Variants in SAMD4B observed in about 807,000 individuals in gnomAD.
SAMD4B encodes the protein protein Smaug homolog 2.
A neutral mutation model predicts 74.5 loss-of-function variants in SAMD4B; 5 were observed. That is an observed-to-expected ratio of 0.07 (90% CI 0.04 to 0.14). The LOEUF (loss-of-function observed/expected upper bound fraction) is 0.14. Ranked by LOEUF, SAMD4B falls within the 10% of genes least tolerant of loss-of-function variation. The probability of loss-of-function intolerance (pLI) is 1.00; values close to 1 mark genes in which losing one functional copy is unlikely to be tolerated. For missense variants in SAMD4B, 608 were observed against 921.8 expected, an observed-to-expected ratio of 0.66 and a Z score of 4.41; for synonymous variants, 373 against 374.9, an observed-to-expected ratio of 1.00 and a Z score of 0.06.
At position 39,375,988 on chromosome 19, in the gene SAMD4B, G is replaced by A; in HGVS notation, c.907+99G>A. ...GTAGCTGACACCTGCTTACCCCTCTGAGGAGGGGACATGTCTGAGGGGAGT... is the reference window on the plus strand; with the variant it reads ...GTAGCTGACACCTGCTTACCCCTCTAAGGAGGGGACATGTCTGAGGGGAGT... On this transcript the variant is annotated intron_variant, in intron 5 of 13. Coordinates refer to ENST00000610417, the MANE Select transcript of SAMD4B (RefSeq NM_001384574.2). This position sits in a 1 kb window ranked among gnomAD's most constrained non-coding sequence, Gnocchi z 4.1. 6.8e-7 allele frequency: 1 copy of A among 1,463,050 alleles called. No homozygotes were observed. Among genetic ancestry groups the A allele is most frequent in the Non-Finnish European group, 9.2e-7 (1 of 1,084,758 alleles). The allele number at this position is 1,463,050 out of a possible 1,614,324, so 90.6% of individuals were successfully genotyped here.
intron 1 of SAMD4B, among the ~76,000 whole-genome samples, chr19:39,343,488 A>G (rs1467958103): frequency 1.4e-5 from 2 of 144,946 alleles, no homozygotes; most frequent in East Asian, 2.2e-4. Context: ...CCGTATTGCA[A>G]CCATCTCTCA....
intron 3 of SAMD4B, among the ~76,000 whole-genome samples, chr19:39,361,276 A>G (rs1299718343): frequency 1.3e-5 from 2 of 151,900 alleles, no homozygotes; most frequent in Non-Finnish European, 2.9e-5. Flanking sequence ...ATGCACACCT[A>G]CTCCACAAAC....
At chr19:39,386,605 A>C (rs968726853), downstream of SAMD4B, 8 of 1,611,520 alleles carry the variant, frequency 5.0e-6, no homozygotes, top group Non-Finnish European at 5.9e-6. The surrounding 1 kb of genome is among the most constrained non-coding windows in gnomAD (Gnocchi z 6.1). Context: ...GAGGGGAAGG[A>C]GGGTGTTCTG....
intron 11 of SAMD4B, 81 bp from the exon 12 acceptor site, chr19:39,380,909 A>G: frequency 6.5e-7 from 1 of 1,528,422 alleles, no homozygotes; most frequent in Admixed American, 2.0e-5. Flanking sequence ...GGAGTGGGAG[A>G]AGGCCTGTAC....
intron 2 of SAMD4B, among the ~76,000 whole-genome samples, chr19:39,355,061 C>A (rs1171789438): frequency 6.6e-6 from 1 of 151,976 alleles, no homozygotes; most frequent in Non-Finnish European, 1.5e-5. Flanking sequence ...TTAGTAGAGA[C>A]GGGATTTCGC....
chr19:39,367,816 G>A (rs573699367), intron 3 of SAMD4B, among the ~76,000 whole-genome samples: 6 of 151,438 alleles, frequency 4.0e-5, no homozygotes, highest in Admixed American at 3.9e-4. Flanking sequence ...GTGCTAATAA[G>A]GTCTTTGAGG....
At chr19:39,365,119 G>A (rs1408515517) in intron 3 of SAMD4B, among the ~76,000 whole-genome samples, 4 of 151,750 alleles carry the variant, frequency 2.6e-5, no homozygotes, top group South Asian at 2.1e-4. Flanking sequence ...GGTGGCGGGC[G>A]TGTGTAGTCC....
intron 3 of SAMD4B, among the ~76,000 whole-genome samples, chr19:39,361,651 C>G (rs894809464): frequency 6.7e-6 from 1 of 150,162 alleles, no homozygotes; most frequent in Non-Finnish European, 1.5e-5. Flanking sequence ...CGGCCGGGCG[C>G]GGTGGCTCAC....
chr19:39,386,779 C>G, downstream of SAMD4B: 1 of 1,613,910 alleles, frequency 6.2e-7, no homozygotes, highest in Non-Finnish European at 8.5e-7. This position sits in a 1 kb window ranked among gnomAD's most constrained non-coding sequence, Gnocchi z 6.1. Context: ...AGCCTTGGCC[C>G]GGCGCTTACT....
At chr19:39,388,876 G>A (rs2078310757), downstream of SAMD4B, 2 of 1,612,610 alleles carry the variant, frequency 1.2e-6, no homozygotes, top group African/African-American at 1.3e-5. Flanking sequence ...CTAGGGAGAT[G>A]GAGGCACTGG....
At chr19:39,370,238 T>C in intron 4 of SAMD4B, 113 bp downstream of exon 4, 1 of 1,044,226 alleles carries the variant, frequency 9.6e-7, no homozygotes, top group Non-Finnish European at 1.4e-6. Flanking sequence ...GCTGTAGGCC[T>C]CAACTTTATG....
intron 4 of SAMD4B, among the ~76,000 whole-genome samples, chr19:39,374,148 G>A (rs1006533167): frequency 2.6e-5 from 4 of 152,100 alleles, no homozygotes; most frequent in African/African-American, 9.6e-5. Context: ...TTGGCCACCC[G>A]TAGTCCCAGC....
At chr19:39,364,991 G>A (rs2076870038) in intron 3 of SAMD4B, among the ~76,000 whole-genome samples, 1 of 152,118 alleles carries the variant, frequency 6.6e-6, no homozygotes, top group African/African-American at 2.4e-5. Flanking sequence ...TGGAATCCCA[G>A]CACTTTGGGA....
In SAMD4B at chr19:39,385,532, A is replaced by T. The variant is rs192749705; in HGVS notation, c.*2005A>T. The T allele has an allele frequency of 1.2e-4, 54 of 464,882 alleles. No homozygotes were observed. The highest frequency in any genetic ancestry group is 1.1e-3 in the East Asian group (33 of 31,254). 28.8% of individuals were successfully genotyped at this position (464,882 alleles called of 1,614,324 possible). On this transcript the variant is annotated 3_prime_UTR_variant, in exon 14 of 14. Coordinates refer to ENST00000610417, the MANE Select transcript of SAMD4B (RefSeq NM_001384574.2). ...CAGCCCCCTCCCCAGGCCCTCCTCC[A>T]TGATTTCACCCTCCCTACCCACTTC...
chr19:39,370,571 T>C (rs769503967), intron 4 of SAMD4B, among the ~76,000 whole-genome samples: 50 of 152,286 alleles, frequency 3.3e-4, no homozygotes, highest in Admixed American at 1.2e-3. Context: ...TGGGCATTTC[T>C]GATATATACC....
chr19:39,375,608 G>A lies in SAMD4B; in HGVS notation c.668-42G>A. On this transcript the variant is annotated intron_variant, in intron 4 of 13. Coordinates refer to ENST00000610417, the MANE Select transcript of SAMD4B (RefSeq NM_001384574.2). The surrounding 1 kb of genome is among the most constrained non-coding windows in gnomAD (Gnocchi z 4.1). ...CAGGGGGATGGTCTCCTGTGGTTGGGTCCCCAGGTCTAATATTTTGCTTTT... is the reference window on the plus strand; with the variant it reads ...CAGGGGGATGGTCTCCTGTGGTTGGATCCCCAGGTCTAATATTTTGCTTTT... 2.5e-6 allele frequency: 4 copies of A among 1,581,070 alleles called. No homozygotes were observed. In the South Asian group the frequency reaches 3.4e-5, roughly 13 times the overall value.
intron 3 of SAMD4B, among the ~76,000 whole-genome samples, chr19:39,357,578 G>A (rs750439382): frequency 6.6e-6 from 1 of 152,220 alleles, no homozygotes; most frequent in Non-Finnish European, 1.5e-5. Context: ...AGTTCATCCT[G>A]TCAGTTCCCT....
chr19:39,345,406 CT>C (rs1006412980), intron 1 of SAMD4B, among the ~76,000 whole-genome samples: 1 of 152,208 alleles, frequency 6.6e-6, no homozygotes, highest in Admixed American at 6.5e-5. Context: ...TTCCTCAGTG[CT>C]TTCTCTTTCT....
At chr19:39,389,252 A>G, downstream of SAMD4B, 3 of 1,608,360 alleles carry the variant, frequency 1.9e-6, no homozygotes, top group South Asian at 3.3e-5. The surrounding 1 kb of genome is among the most constrained non-coding windows in gnomAD (Gnocchi z 5.3). Flanking sequence ...TAATATCTCC[A>G]CCTTCCCTCT....
Sources: allele counts gnomAD v4.1 joint callset (sites outside exome capture counted in the v4.1 genomes callset), GRCh38; gene constraint gnomAD v4.1.1; non-coding constraint Gnocchi (gnomAD v3.1); transcripts MANE v1.5; gene names NCBI Gene and HGNC (gene_info 2026-07-23, HGNC 2026-07-21).